SLC25A21: variants seen among roughly 807,000 people sequenced by gnomAD.
SLC25A21 encodes the protein mitochondrial 2-oxodicarboxylate carrier.
SLC25A21 carries 47 observed loss-of-function variants against 43.8 expected under a neutral mutation model. The observed-to-expected ratio is 1.07, with a 90% CI of 0.85 to 1.37. The LOEUF (loss-of-function observed/expected upper bound fraction) is 1.37, where lower values mean the gene tolerates loss of function less well. Among genes scored for constraint, SLC25A21 ranks in the 40% most tolerant of loss-of-function variants. SLC25A21 has a pLI of 0.00. For missense variants in SLC25A21, 352 were observed against 350.2 expected (o/e 1.00, Z -0.04); for synonymous variants, 131 against 121.3 (o/e 1.08, Z -0.52).
intron 3 of SLC25A21, among the ~76,000 whole-genome samples, chr14:36,777,576 G>A (rs1449560253): frequency 6.6e-6 from 1 of 152,178 alleles, no homozygotes; most frequent in Non-Finnish European, 1.5e-5. Flanking sequence ...GAAACACAGA[G>A]GAGAAGGCCA....
intron 3 of SLC25A21, among the ~76,000 whole-genome samples, chr14:36,770,656 G>A (rs1050403912): frequency 2.0e-5 from 3 of 152,114 alleles, no homozygotes; most frequent in South Asian, 2.1e-4. Context: ...TAAAACGTTA[G>A]ACATCAGGCT....
At chr14:36,992,708 G>T (rs1187976460) in intron 1 of SLC25A21, among the ~76,000 whole-genome samples, 1 of 152,116 alleles carries the variant, frequency 6.6e-6, no homozygotes, top group African/African-American at 2.4e-5. Flanking sequence ...TTTTGCCATA[G>T]ATTTAAGGCA....
chr14:36,822,213 G>A (rs1888662198), intron 2 of SLC25A21, among the ~76,000 whole-genome samples: 1 of 152,210 alleles, frequency 6.6e-6, no homozygotes, highest in East Asian at 1.9e-4. Context: ...TCTAGGCCTG[G>A]CATCAATTAA....
At chr14:37,110,547 G>A (rs2138876735) in intron 1 of SLC25A21, among the ~76,000 whole-genome samples, 1 of 152,260 alleles carries the variant, frequency 6.6e-6, no homozygotes, top group South Asian at 2.1e-4. Context: ...GGCACTGCCT[G>A]CTTGGATTGA....
chr14:37,013,310 G>T (rs778089698), intron 1 of SLC25A21, among the ~76,000 whole-genome samples: 1 of 152,084 alleles, frequency 6.6e-6, no homozygotes, highest in Non-Finnish European at 1.5e-5. Context: ...CAGTGTCCTA[G>T]TCGACATTTC....
chr14:37,166,775 T>G (rs1329908441), intron 1 of SLC25A21, among the ~76,000 whole-genome samples: 1 of 152,232 alleles, frequency 6.6e-6, no homozygotes, highest in African/African-American at 2.4e-5. Context: ...GGTAGAGATA[T>G]ATCTTCTTGA....
intron 3 of SLC25A21, among the ~76,000 whole-genome samples, chr14:36,804,262 A>G (rs1259292581): frequency 6.6e-6 from 1 of 152,126 alleles, no homozygotes; most frequent in Non-Finnish European, 1.5e-5. Context: ...CTGAGATGAG[A>G]TATGTACAAG....
intron 1 of SLC25A21, among the ~76,000 whole-genome samples, chr14:36,891,572 C>T (rs1199973458): frequency 6.6e-6 from 1 of 152,118 alleles, no homozygotes; most frequent in Non-Finnish European, 1.5e-5. Flanking sequence ...AACACAATGG[C>T]AGAAACTAAA....
At chr14:37,085,424 C>T (rs2138843476) in intron 1 of SLC25A21, among the ~76,000 whole-genome samples, 1 of 152,178 alleles carries the variant, frequency 6.6e-6, no homozygotes, top group Non-Finnish European at 1.5e-5. Flanking sequence ...ACCCTAAAAA[C>T]TATATATATT....
chr14:37,159,838 T>C (rs1771491594), intron 1 of SLC25A21, among the ~76,000 whole-genome samples: 1 of 152,152 alleles, frequency 6.6e-6, no homozygotes, highest in South Asian at 2.1e-4. Flanking sequence ...AGGCAACTAA[T>C]ATCCAGAATA....
intron 1 of SLC25A21, among the ~76,000 whole-genome samples, chr14:37,142,130 C>T (rs906543601): frequency 7.2e-5 from 11 of 152,184 alleles, no homozygotes; most frequent in African/African-American, 2.7e-4. Context: ...TGCCAAACAG[C>T]AGGCTAAGCA....
At chr14:36,915,500 AATACT>A (rs146392499) in intron 1 of SLC25A21, among the ~76,000 whole-genome samples, 1,712 of 152,284 alleles carry the variant, frequency 0.011, 31 homozygotes, top group African/African-American at 0.039. Context: ...ACCAGAAAAT[AATACT>A]GTCCATCTTG....
At chr14:36,765,211 G>C (rs1046175167) in intron 3 of SLC25A21, among the ~76,000 whole-genome samples, 2 of 152,222 alleles carry the variant, frequency 1.3e-5, no homozygotes, top group Non-Finnish European at 2.9e-5. Flanking sequence ...AAGAAGCCCA[G>C]GCTGCATGAA....
At chr14:36,918,789 C>A (rs1311875768) in intron 1 of SLC25A21, among the ~76,000 whole-genome samples, 1 of 151,870 alleles carries the variant, frequency 6.6e-6, no homozygotes, top group Admixed American at 6.6e-5. Flanking sequence ...TTAAAAATAA[C>A]TAATGAAAAA....
chr14:37,124,462 C>T (rs1963263274), intron 1 of SLC25A21, among the ~76,000 whole-genome samples: 1 of 151,924 alleles, frequency 6.6e-6, no homozygotes, highest in East Asian at 1.9e-4. Flanking sequence ...TACATCACAG[C>T]ATATACAGCA....
chr14:37,165,841 G>A (rs888411770), intron 1 of SLC25A21, among the ~76,000 whole-genome samples: 10 of 152,252 alleles, frequency 6.6e-5, no homozygotes, highest in Admixed American at 1.3e-4. Context: ...ACAGGGAAGG[G>A]TCCAAACTGA....
chr14:36,784,885 T>G (rs1324759410), intron 3 of SLC25A21, among the ~76,000 whole-genome samples: 1 of 152,212 alleles, frequency 6.6e-6, no homozygotes, highest in African/African-American at 2.4e-5. Context: ...TATATATATT[T>G]GGCAGTTTGT....
intron 1 of SLC25A21, among the ~76,000 whole-genome samples, chr14:37,060,083 T>A (rs911791553): frequency 1.3e-4 from 19 of 149,396 alleles, no homozygotes; most frequent in Non-Finnish European, 2.1e-4. Context: ...CTAGCCCCTT[T>A]AAAAAAAAAA....
chr14:36,926,032 C>T lies in SLC25A21; in HGVS notation c.71-51028G>A, dbSNP rs556052161. Among the ~76,000 whole-genome samples, 9 of 152,212 alleles carry T rather than the reference C, an allele frequency of 5.9e-5. No individual in the cohort carries two copies. The South Asian group carries it at 1.9e-3, about 32-fold the overall frequency. ...CCATATTGGCATGTATAAAACCTTC[C>T]ACTCAATAGTTGCAGAATACACATT... is the stretch of plus-strand genomic sequence containing the variant. On this transcript the variant is annotated intron_variant, in intron 1 of 9. Transcript: ENST00000331299.
Sources: gnomAD v4.1 joint callset for allele counts (sites outside exome capture counted in the v4.1 genomes callset) on GRCh38, gnomAD v4.1.1 for gene constraint, MANE v1.5 for transcripts, NCBI Gene and HGNC (gene_info 2026-07-23, HGNC 2026-07-21) for gene names.